The following MTUS2 variants were observed in gnomAD, a reference collection of about 807,000 sequenced individuals.
MTUS2 encodes microtubule-associated tumor suppressor candidate 2.
In MTUS2, 40 loss-of-function variants were observed where a neutral mutation model predicts 114.1. That is an observed-to-expected ratio of 0.35 (90% CI 0.27 to 0.46). The LOEUF (loss-of-function observed/expected upper bound fraction) is 0.46. MTUS2 is among the 20% of genes least tolerant of loss of function. The pLI, the probability that MTUS2 is intolerant of heterozygous loss-of-function variation, is 1.00. For synonymous variants in MTUS2, 688 were observed against 672.0 expected (o/e 1.02, Z -0.37); for missense variants, 1,679 against 1,705.4 (o/e 0.98, Z 0.27).
chr13:29,088,731 A>AT (rs1351372265), intron 4 of MTUS2, among the ~76,000 whole-genome samples: 2 of 152,172 alleles, frequency 1.3e-5, no homozygotes, highest in African/African-American at 4.8e-5. Flanking sequence ...ATCCTTTCTC[A>AT]TAATAGTGGG....
chr13:28,906,989 G>T (rs184442773), intron 2 of MTUS2, among the ~76,000 whole-genome samples: 1 of 151,416 alleles, frequency 6.6e-6, no homozygotes, highest in Non-Finnish European at 1.5e-5. Context: ...AAAATGTTAA[G>T]GGCAGCCAGA....
At chr13:29,336,792 C>CTTTA (rs1451379775) in intron 7 of MTUS2, among the ~76,000 whole-genome samples, 1 of 152,218 alleles carries the variant, frequency 6.6e-6, no homozygotes, top group Non-Finnish European at 1.5e-5. Flanking sequence ...GGAATTCTAT[C>CTTTA]TATAAGCCCC....
At chr13:29,433,899 T>C (rs1197519862) in intron 8 of MTUS2, among the ~76,000 whole-genome samples, 7 of 152,206 alleles carry the variant, frequency 4.6e-5, no homozygotes, top group Non-Finnish European at 8.8e-5. Flanking sequence ...AATTCACAAT[T>C]TTAAAAGATC....
At chr13:29,154,496 A>G (rs1270039602) in intron 5 of MTUS2, among the ~76,000 whole-genome samples, 1 of 152,218 alleles carries the variant, frequency 6.6e-6, no homozygotes, top group African/African-American at 2.4e-5. Flanking sequence ...ACCTTCTCAC[A>G]ACACAGTGTG....
At chr13:28,837,232 GAATCTATGTTTAACA>G (rs1345028721) in intron 1 of MTUS2, among the ~76,000 whole-genome samples, 3 of 152,276 alleles carry the variant, frequency 2.0e-5, no homozygotes, top group South Asian at 2.1e-4. Context: ...TGGTGTCCAG[GAATCTATGTTTAACA>G]AATCTATGTT....
chr13:29,343,559 A>C (rs1262810218), intron 7 of MTUS2, among the ~76,000 whole-genome samples: 3 of 151,854 alleles, frequency 2.0e-5, no homozygotes, highest in East Asian at 1.9e-4. Context: ...TTCTTGGTTC[A>C]TCTTGCTAAT....
At chr13:28,967,235 G>C (rs1222055218) in intron 2 of MTUS2, among the ~76,000 whole-genome samples, 1 of 152,176 alleles carries the variant, frequency 6.6e-6, no homozygotes, top group African/African-American at 2.4e-5. Flanking sequence ...CTTTGAACAT[G>C]TAGCACACCC....
chr13:29,322,584 T>C (rs1014694538), intron 6 of MTUS2, among the ~76,000 whole-genome samples: 1 of 152,090 alleles, frequency 6.6e-6, no homozygotes, highest in African/African-American at 2.4e-5. Flanking sequence ...GAATAGATTG[T>C]TGGGCAGTGA....
chr13:29,375,097 G>T (rs1204465750), intron 8 of MTUS2, among the ~76,000 whole-genome samples: 2 of 152,166 alleles, frequency 1.3e-5, no homozygotes, highest in African/African-American at 4.8e-5. Context: ...TGTGGTTTTA[G>T]ATTGGTGCAA....
At chr13:29,239,471 T>G (rs566664699) in intron 5 of MTUS2, 26 of 152,328 alleles carry the variant, frequency 1.7e-4, no homozygotes, top group African/African-American at 6.3e-4. Context: ...TTGTATATAA[T>G]TATAGGAACT....
chr13:28,890,154 G>A (rs1878832781), intron 2 of MTUS2, among the ~76,000 whole-genome samples: 1 of 152,134 alleles, frequency 6.6e-6, no homozygotes, highest in Admixed American at 6.5e-5. Context: ...AGTTATTAGA[G>A]CTCTCAGTGA....
At chr13:28,897,739 C>A (rs1166341363) in intron 2 of MTUS2, among the ~76,000 whole-genome samples, 2 of 152,112 alleles carry the variant, frequency 1.3e-5, no homozygotes, top group Non-Finnish European at 2.9e-5. Flanking sequence ...ATGATGAGTT[C>A]ATGTCCTTTG....
intron 5 of MTUS2, among the ~76,000 whole-genome samples, chr13:29,227,456 G>T (rs990105284): frequency 6.6e-6 from 1 of 152,158 alleles, no homozygotes; most frequent in Non-Finnish European, 1.5e-5. Context: ...GTCTTAAGCT[G>T]CACCAAGTGA....
chr13:28,976,219 AAAAAAG>A (rs1265264881), intron 2 of MTUS2, among the ~76,000 whole-genome samples: 4 of 126,798 alleles, frequency 3.2e-5, no homozygotes, highest in Admixed American at 2.8e-4. Context: ...AAAAAAAAAA[AAAAAAG>A]AAAAGAAGAA....
intron 2 of MTUS2, among the ~76,000 whole-genome samples, chr13:28,987,266 G>A (rs905322861): frequency 6.6e-6 from 1 of 152,184 alleles, no homozygotes. Flanking sequence ...ATGGAGAAGA[G>A]TGGAGACACA....
At chr13:29,491,175 G>A (rs2138968138) in intron 11 of MTUS2, among the ~76,000 whole-genome samples, 1 of 141,460 alleles carries the variant, frequency 7.1e-6, no homozygotes, top group South Asian at 2.4e-4. Flanking sequence ...TGTGTGGTGT[G>A]TGGTGTGTGT....
chr13:28,953,677 G>A (rs907574520), intron 2 of MTUS2, among the ~76,000 whole-genome samples: 3 of 152,032 alleles, frequency 2.0e-5, no homozygotes, highest in African/African-American at 7.2e-5. Context: ...TATGTTTTGT[G>A]GGATAAGCTC....
chr13:29,409,399 G>A (rs555305002), intron 8 of MTUS2, among the ~76,000 whole-genome samples: 5 of 152,096 alleles, frequency 3.3e-5, no homozygotes, highest in Non-Finnish European at 7.4e-5. Flanking sequence ...TTAAGATACT[G>A]TTTTCCAAAG....
At chr13:29,307,487 C>A in intron 6 of MTUS2, 1 of 1,290,730 alleles carries the variant, frequency 7.7e-7, no homozygotes, top group Non-Finnish European at 1.1e-6. Flanking sequence ...TGTGTCCCCA[C>A]TGCCAACTTG....
Sources: allele counts gnomAD v4.1 joint callset (sites outside exome capture counted in the v4.1 genomes callset), GRCh38; gene constraint gnomAD v4.1.1; transcripts MANE v1.5; gene names NCBI Gene and HGNC (gene_info 2026-07-23, HGNC 2026-07-21).